The following CRYBG3 variants were observed in gnomAD, a reference collection of about 807,000 sequenced individuals.
CRYBG3 encodes crystallin beta-gamma domain containing 3.
Under a neutral mutation model 244.2 loss-of-function variants are expected in CRYBG3, and 127 were observed. The observed-to-expected ratio is 0.52, with a 90% CI of 0.45 to 0.60. CRYBG3 has a LOEUF of 0.60. Ranked by LOEUF, CRYBG3 falls within the 20% of genes least tolerant of loss-of-function variation. The probability of loss-of-function intolerance (pLI) is 0.00; values close to 1 mark genes in which losing one functional copy is unlikely to be tolerated. For synonymous variants in CRYBG3, 1,132 were observed against 1,195.8 expected (o/e 0.95, Z 1.10); for missense variants, 3,325 against 3,442.5 (o/e 0.97, Z 0.85).
intron 4 of CRYBG3, 137 bp from the exon 5 acceptor site, chr3:97,879,567 A>G: frequency 1.7e-6 from 1 of 598,784 alleles, no homozygotes; most frequent in Non-Finnish European, 3.0e-6. Flanking sequence ...TATCACTTGT[A>G]TCGAGAGAAG....
intron 17 of CRYBG3, among the ~76,000 whole-genome samples, chr3:97,923,107 A>G (rs1408486976): frequency 3.3e-5 from 5 of 152,128 alleles, no homozygotes; most frequent in Non-Finnish European, 5.9e-5. Flanking sequence ...CAAACACCAC[A>G]TGTTCTCACT....
intron 2 of CRYBG3, among the ~76,000 whole-genome samples, chr3:97,861,344 A>G (rs1419407889): frequency 3.3e-5 from 5 of 152,288 alleles, no homozygotes; most frequent in Admixed American, 1.3e-4. Flanking sequence ...CATTGTGTAC[A>G]TATCTCTTGT....
Position 97,873,252 on chromosome 3 carries a change from G to T in CRYBG3, c.2058G>T (p.Gly686=). The change falls in exon 4 of 22, where the codon GGG becomes GGT. Residue 686 remains glycine (G), a synonymous_variant. Coordinates refer to ENST00000389622, the MANE Select transcript of CRYBG3 (RefSeq NM_153605.4). ...GTTCTCCTGTGCCCATTGAAACTGG[G>T]AATGTCAACATTGTTGGTATTTCCT... ...NEGSPVPIET[G]NVNIVGISYQ... is the part of the protein sequence containing the mutation. 1 of 1,535,164 alleles carries T rather than the reference G, an allele frequency of 6.5e-7. No individual in the cohort carries two copies. The highest frequency in any genetic ancestry group is 8.7e-7 in the Non-Finnish European group (1 of 1,146,546).
Position 97,874,595 on chromosome 3 carries a change from G to A in CRYBG3, c.3401G>A (p.Gly1134Glu), listed in dbSNP as rs764484817. Residue 1134 changes from glycine to glutamate, a missense_variant, in exon 4 of 22, where the codon GGG becomes GAG. Transcript: ENST00000389622. ...CAGGAACATTTTGGGATTTATACTG[G>A]GAAGATATCCATTGATTTCCCAACT... ...PFQEHFGIYT[G>E]KISIDFPTAA... 7 of 1,536,006 alleles carry A rather than the reference G, an allele frequency of 4.6e-6. No homozygotes were observed. Among genetic ancestry groups the A allele is most frequent in the Non-Finnish European group, 6.1e-6 (7 of 1,146,860 alleles).
chr3:97,824,136 A>G (rs2038548045), intron 1 of CRYBG3, among the ~76,000 whole-genome samples: 1 of 152,142 alleles, frequency 6.6e-6, no homozygotes, highest in South Asian at 2.1e-4. Flanking sequence ...TAAATCTTTC[A>G]TTTCAAGGGC....
chr3:97,839,345 C>A (rs911428528), intron 1 of CRYBG3, among the ~76,000 whole-genome samples: 5 of 152,022 alleles, frequency 3.3e-5, no homozygotes, highest in Non-Finnish European at 5.9e-5. Context: ...AAGCAAACAT[C>A]TGAGTATTCA....
chr3:97,943,066 T>C, intron 21 of CRYBG3, 160 bp from the exon 22 acceptor site: 2 of 580,686 alleles, frequency 3.4e-6, no homozygotes, highest in Admixed American at 3.3e-5. Flanking sequence ...AGGTGAATAA[T>C]GGCTAAGCCT....
intron 12 of CRYBG3, among the ~76,000 whole-genome samples, chr3:97,898,098 T>TAGTC: frequency 6.6e-6 from 1 of 151,866 alleles, no homozygotes; most frequent in Non-Finnish European, 1.5e-5. Flanking sequence ...TGGGCACCTG[T>TAGTC]AGTCCCAACT....
chr3:97,936,370 A>G (rs2040164167), intron 18 of CRYBG3, among the ~76,000 whole-genome samples: 3 of 152,036 alleles, frequency 2.0e-5, no homozygotes, highest in Admixed American at 6.6e-5. Context: ...GGAAGAAGAT[A>G]TGTCTGGAGA....
At position 97,911,154 on chromosome 3, in the gene CRYBG3, C is replaced by T. The variant is rs143595594; in HGVS notation, c.8005-1013C>T. ...AGAGCAGAATGAGATAACCAAGAAA[C>T]AATTCTAAGTAGAGGCCTTTGGGAA... On this transcript the variant is annotated intron_variant, in intron 15 of 21. Transcript: ENST00000389622. 6.6e-3 allele frequency among the ~76,000 whole-genome samples: 1,005 copies of T among 152,274 alleles called. 12 individuals are homozygous for T. The highest frequency in any genetic ancestry group is 0.023 in the African/African-American group (976 of 41,560).
rs78685962 is a variant in CRYBG3 at position 97,913,664 on chromosome 3, G to C, written c.8114+1388G>C. On this transcript the variant is annotated intron_variant, in intron 16 of 21. Transcript: ENST00000389622. ...GCAGTGGGGCAGATTTGGCCCACAT[G>C]CTGTAGTTTGCTGACACCTGTTTCA... Among the ~76,000 whole-genome samples the C allele has an allele frequency of 6.6e-3, 1,010 of 152,280 alleles. 10 individuals are homozygous for C. The highest frequency in any genetic ancestry group is 0.023 in the African/African-American group (965 of 41,562).
chr3:97,929,858 C>T (rs554872439), intron 17 of CRYBG3, among the ~76,000 whole-genome samples: 1 of 152,034 alleles, frequency 6.6e-6, no homozygotes, highest in Admixed American at 6.6e-5. Flanking sequence ...TTTTTAAAAA[C>T]ATAGATGTTT....
In CRYBG3 at chr3:97,876,669, C is replaced by A; in HGVS notation, c.5475C>A (p.Cys1825Ter). Residue 1825 changes from cysteine to a stop codon, truncating the protein, a stop_gained, in exon 4 of 22, where the codon TGC becomes TGA. Coordinates refer to ENST00000389622, the MANE Select transcript of CRYBG3 (RefSeq NM_153605.4). LOFTEE classifies it high-confidence loss of function. ...APAPLEMEKA[C>*]KRDVKETIGA... Reference sequence around the variant, plus strand: ...CCCCCTTAGAAATGGAAAAAGCATGCAAGAGAGATGTTAAAGAGACTATTG... The same window carrying A: ...CCCCCTTAGAAATGGAAAAAGCATGAAAGAGAGATGTTAAAGAGACTATTG... 8.1e-7 allele frequency: 1 copy of A among 1,236,816 alleles called. No homozygotes were observed. Among genetic ancestry groups the A allele is most frequent in the Admixed American group, 4.1e-5 (1 of 24,388 alleles). The allele number at this position is 1,236,816 out of a possible 1,614,324, so 76.6% of individuals were successfully genotyped here.
chr3:97,895,871 AC>A, intron 11 of CRYBG3, 87 bp from the exon 12 acceptor site: 1 of 1,208,536 alleles, frequency 8.3e-7, no homozygotes, highest in Non-Finnish European at 1.2e-6. Flanking sequence ...GAGATGAACC[AC>A]TATGAGCTTT....
chr3:97,916,883 T>C (rs1415718968), intron 17 of CRYBG3, among the ~76,000 whole-genome samples: 2 of 152,042 alleles, frequency 1.3e-5, no homozygotes, highest in Non-Finnish European at 2.9e-5. Flanking sequence ...GGAGGAAAAA[T>C]GGTTTAAAAA....
At chr3:97,835,869 A>T (rs566827469) in intron 1 of CRYBG3, among the ~76,000 whole-genome samples, 1 of 152,276 alleles carries the variant, frequency 6.6e-6, no homozygotes, top group East Asian at 1.9e-4. Context: ...GTGAGTTCAC[A>T]TCACAGCGAG....
Position 97,874,183 on chromosome 3 carries a change from T to C in CRYBG3, c.2989T>C (p.Phe997Leu). 1 of 1,530,008 alleles carries C rather than the reference T, an allele frequency of 6.5e-7. No homozygotes were observed. The highest frequency in any genetic ancestry group is 8.7e-7 in the Non-Finnish European group (1 of 1,145,434). 94.8% of individuals were successfully genotyped at this position (1,530,008 alleles called of 1,614,324 possible). A position where few individuals can be genotyped will look rare whatever the true frequency, so the allele number is the denominator to read the frequency against. Residue 997 changes from phenylalanine to leucine, a missense_variant, in exon 4 of 22, where the codon TTC (phenylalanine) becomes CTC (leucine). Phe to Leu is a conservative substitution (Grantham distance 22, BLOSUM62 0). This residue lies in a region of CRYBG3 where 1,526 missense variants were observed against 1,443.2 expected (regional missense o/e 1.06). Transcript: ENST00000389622. The stretch of plus-strand genomic sequence containing the variant: ...CAGCTTAACTAATATTTCCCCTAAA[T>C]TCCAAGAAACTGGCAGCATGAAAGT... ...ELSLTNISPK[F>L]QETGSMKVNS...
At position 97,877,833 on chromosome 3, in the gene CRYBG3, G is replaced by A. The variant is rs2039399515; in HGVS notation, c.6639G>A (p.Trp2213Ter). 1 of 1,613,942 alleles carries A rather than the reference G, an allele frequency of 6.2e-7. No homozygotes were observed. Among genetic ancestry groups the A allele is most frequent in the Admixed American group, 1.7e-5 (1 of 59,978 alleles). ...PTTSNLQVGLWPEKTSFLQKS... is the reference protein window; with the variant it reads ...PTTSNLQVGL The stretch of plus-strand genomic sequence containing the variant: ...CCTCCAATCTGCAAGTTGGTCTGTG[G>A]CCAGAAAAGACCTCGTTTCTCCAGA... Residue 2213 changes from tryptophan (W) to a stop codon, truncating the protein, a stop_gained, in exon 4 of 22, where the codon TGG becomes TGA. Coordinates refer to ENST00000389622, the MANE Select transcript of CRYBG3 (RefSeq NM_153605.4). LOFTEE classifies it high-confidence loss of function.
At chr3:97,828,205 G>A (rs1401380145) in intron 1 of CRYBG3, among the ~76,000 whole-genome samples, 2 of 152,064 alleles carry the variant, frequency 1.3e-5, no homozygotes, top group African/African-American at 4.8e-5. Flanking sequence ...ACTACTAGTG[G>A]GAGTATAAAT....
Sources: gnomAD v4.1 joint callset for allele counts (sites outside exome capture counted in the v4.1 genomes callset) on GRCh38, gnomAD v4.1.1 for gene constraint, gnomAD v4.1.1 regional missense constraint, MANE v1.5 for transcripts, NCBI Gene and HGNC (gene_info 2026-07-23, HGNC 2026-07-21) for gene names.